Variants in SRPK3 observed in about 807,000 individuals in gnomAD.
SRPK3 encodes SFRS protein kinase 3.
A neutral mutation model predicts 45.3 loss-of-function variants in SRPK3; 26 were observed. The ratio of observed to expected loss-of-function variants is 0.57; its 90% CI spans 0.42 to 0.80. SRPK3 has a LOEUF of 0.80. SRPK3 is among the 30% of genes least tolerant of loss of function. The probability of loss-of-function intolerance (pLI) is 0.00; values close to 1 mark genes in which losing one functional copy is unlikely to be tolerated. For synonymous variants in SRPK3, 254 were observed against 226.6 expected, an observed-to-expected ratio of 1.12 and a Z score of -1.09; for missense variants, 536 against 514.5, an observed-to-expected ratio of 1.04 and a Z score of -0.40.
At position 153,785,400 on chromosome X, in the gene SRPK3, C is replaced by T. The variant is rs373971097; in HGVS notation, c.1584C>T (p.Tyr528=). 1.4e-5 allele frequency: 17 copies of T among 1,209,754 alleles called. No homozygotes were observed. Among genetic ancestry groups the T allele is most frequent in the Admixed American group, 4.3e-5 (2 of 46,025 alleles). The part of the protein sequence containing the change: ...WGLYEVLMEK[Y]EWPLEQATQF... ...TGTACGAGGTACTCATGGAAAAGTA[C>T]GAGTGGCCCCTAGAGCAGGCCACAC... is the stretch of plus-strand genomic sequence containing the variant. Residue 528 remains tyrosine (Y), a synonymous_variant, in exon 15 of 15, where the codon TAC becomes TAT. Transcript: ENST00000370101.
rs1557068041 is a variant in SRPK3 at position 153,784,114 on chromosome X, A to C, written c.1048A>C (p.Thr350Pro). 1 of 1,210,121 alleles carries C rather than the reference A, an allele frequency of 8.3e-7. No individual in the cohort carries two copies. The highest frequency in any genetic ancestry group is 1.8e-5 in the South Asian group (1 of 56,979). The change falls in exon 10 of 15, where the codon ACC (threonine) becomes CCC (proline). Residue 350 changes from threonine (T) to proline (P), a missense_variant. Coordinates refer to ENST00000370101, the MANE Select transcript of SRPK3 (RefSeq NM_014370.4). The stretch of plus-strand genomic sequence containing the variant: ...CCGTAGCCTCAGCGCGGGCTCACAG[A>C]CCTCAGGCTTCTCCGGCTCCCTCTT... ...GGRSLSAGSQ[T>P]SGFSGSLFSP...
chrX:153,782,355 G>T, intron 5 of SRPK3, 147 bp downstream of exon 5: 1 of 481,616 alleles, frequency 2.1e-6, no homozygotes, highest in South Asian at 3.1e-5. Context: ...CCCGCCCCCA[G>T]GTAACTGTGT....
intron 11 of SRPK3, 80 bp downstream of exon 11, chrX:153,784,474 C>T (rs891129475): frequency 7.6e-6 from 8 of 1,054,490 alleles, no homozygotes; most frequent in South Asian, 2.0e-5. Flanking sequence ...GGGAGCCCTA[C>T]CCCAGTCTGC....
chrX:153,782,674 C>A, intron 5 of SRPK3, 98 bp from the exon 6 acceptor site: 2 of 871,205 alleles, frequency 2.3e-6, no homozygotes, highest in East Asian at 3.4e-5. Context: ...TGCCTCCCCA[C>A]CTCCACACGG....
intron 14 of SRPK3, 80 bp downstream of exon 14, chrX:153,785,253 A>G: frequency 8.5e-7 from 1 of 1,180,910 alleles, no homozygotes; most frequent in Non-Finnish European, 1.1e-6. Flanking sequence ...CAGAGGGAAC[A>G]CTGGGTCCCA....
At chrX:153,783,347 A>G in intron 8 of SRPK3, 96 bp downstream of exon 8, 1 of 564,811 alleles carries the variant, frequency 1.8e-6, no homozygotes, top group East Asian at 3.8e-5. Flanking sequence ...CCCCACCTTC[A>G]CGCACTCCCA....
chrX:153,781,903 T>C, intron 4 of SRPK3, 73 bp downstream of exon 4: 1 of 1,129,502 alleles, frequency 8.9e-7, no homozygotes, highest in East Asian at 3.0e-5. Flanking sequence ...GTGCAAGGCC[T>C]GCCGGGGCTC....
intron 11 of SRPK3, 168 bp downstream of exon 11, chrX:153,784,562 G>A (rs186706627): frequency 1.2e-4 from 82 of 711,856 alleles, no homozygotes; most frequent in Non-Finnish European, 1.6e-4. Flanking sequence ...AAGGGCAGGG[G>A]CCACTAGGAA....
Position 153,784,088 on chromosome X carries a change from G to A in SRPK3, c.1022G>A (p.Gly341Asp), listed in dbSNP as rs868907980. The part of the protein sequence containing the change: ...PASSSPAPGG[G>D]RSLSAGSQTS... Reference sequence around the variant, plus strand: ...TCTTCCTCCCCCGCCCCAGGGGGCGGCCGTAGCCTCAGCGCGGGCTCACAG... The same window carrying A: ...TCTTCCTCCCCCGCCCCAGGGGGCGACCGTAGCCTCAGCGCGGGCTCACAG... The change falls in exon 10 of 15, where the codon GGC becomes GAC. Residue 341 changes from glycine (G) to aspartate (D), a missense_variant. By Grantham distance (94) the Gly-to-Asp change is moderately conservative. Transcript: ENST00000370101. The A allele has an allele frequency of 2.5e-6, 3 of 1,210,721 alleles. No homozygotes were observed. Among genetic ancestry groups the A allele is most frequent in the South Asian group, 3.5e-5 (2 of 57,012 alleles).
Position 153,783,192 on chromosome X carries a change from GTCC to G in SRPK3, c.749-33_749-31del, listed in dbSNP as rs782550385. On this transcript the variant is annotated intron_variant, in intron 7 of 14. Transcript: ENST00000370101. ...CCTGCCTGAGTCTCTGTTCCTCCCT[GTCC>G]CCCCCCACCGCTCCCCACCTGCACT... is the stretch of plus-strand genomic sequence containing the variant. 160 of 959,836 alleles carry G rather than the reference GTCC, an allele frequency of 1.7e-4. 1 individual carries two copies. The highest frequency in any genetic ancestry group is 2.2e-4 in the Non-Finnish European group (151 of 696,979). 79.1% of individuals were successfully genotyped at this position (959,836 alleles called of 1,213,427 possible).
Position 153,782,868 on chromosome X carries a change from T to C in SRPK3, c.572T>C (p.Ile191Thr). 1 of 1,209,387 alleles carries C rather than the reference T, an allele frequency of 8.3e-7. No homozygotes were observed. Among genetic ancestry groups the C allele is most frequent in the Non-Finnish European group, 1.1e-6 (1 of 894,255 alleles). Residue 191 changes from isoleucine (I) to threonine (T), a missense_variant, in exon 6 of 15, where the codon ATC (isoleucine) becomes ACC (threonine). Ile to Thr is a moderately conservative substitution (Grantham distance 89). Transcript: ENST00000370101. ...QGLPVPCVKS[I>T]VRQVLHGLDY... ...CTGCCCGTGCCCTGCGTGAAGAGCA[T>C]CGTGAGGCAGGTGAGTGCCACCCAC... is the stretch of plus-strand genomic sequence containing the variant.
At chrX:153,782,499 T>C (rs1210826669) in intron 5 of SRPK3, among the ~76,000 whole-genome samples, 1 of 113,756 alleles carries the variant, frequency 8.8e-6, no homozygotes, top group East Asian at 2.8e-4. Flanking sequence ...ATAACTAGCA[T>C]GGGAGTGGGC....
chrX:153,785,223 G>A (rs782295255), intron 14 of SRPK3, 50 bp downstream of exon 14: 6 of 1,178,643 alleles, frequency 5.1e-6, no homozygotes, highest in Admixed American at 4.6e-5. Flanking sequence ...AGGGTGGGAC[G>A]GGGACCTTGG....
rs782094097 is a variant in SRPK3 at position 153,783,575 on chromosome X, G to A, written c.775-177G>A. Among the ~76,000 whole-genome samples the A allele has an allele frequency of 1.6e-3, 179 of 112,585 alleles. 1 individual carries two copies. The highest frequency in any genetic ancestry group is 5.5e-3 in the African/African-American group (172 of 31,047). ...CTGTGGGGAGTGGGGCCACAGGCGGGGAGGCAGGGAGAGTAGTGAGTAGCT... is the reference window on the plus strand; with the variant it reads ...CTGTGGGGAGTGGGGCCACAGGCGGAGAGGCAGGGAGAGTAGTGAGTAGCT... On this transcript the variant is annotated intron_variant, in intron 8 of 14. Coordinates refer to ENST00000370101, the MANE Select transcript of SRPK3 (RefSeq NM_014370.4).
chrX:153,784,657 C>A, intron 11 of SRPK3, 93 bp from the exon 12 acceptor site: 1 of 1,062,000 alleles, frequency 9.4e-7, no homozygotes, highest in Non-Finnish European at 1.3e-6. Context: ...CCCCACTGAG[C>A]TCCTCGGGTA....
rs1265704518 is a variant in SRPK3, at chrX:153,781,246, G to A, written c.90G>A (p.Ser30=). The change falls in exon 2 of 15, where the codon TCG becomes TCA. Residue 30 remains serine, a synonymous_variant. Transcript: ENST00000370101. ...SSQASCGPES[S]GSELALATPV... is the part of the protein sequence containing the mutation. The stretch of plus-strand genomic sequence containing the variant: ...AGGCCTCCTGCGGGCCCGAGTCCTC[G>A]GGCTCCGAACTAGCCCTGGCCACAC... The A allele has an allele frequency of 4.1e-6, 5 of 1,208,871 alleles. No homozygotes were observed. In the South Asian group the frequency reaches 5.3e-5, roughly 13 times the overall value.
At position 153,785,020 on chromosome X, in the gene SRPK3, C is replaced by T; in HGVS notation, c.1426+17C>T. 1 of 1,211,132 alleles carries T rather than the reference C, an allele frequency of 8.3e-7. No homozygotes were observed. Among genetic ancestry groups the T allele is most frequent in the Non-Finnish European group, 1.1e-6 (1 of 895,134 alleles). The stretch of plus-strand genomic sequence containing the variant: ...GTGATGAGGGTAAGGGGTGAGGGCT[C>T]TGGGCTCAGCCTCCCGGCCTCCCGG... On this transcript the variant is annotated intron_variant, in intron 13 of 14. Transcript: ENST00000370101.
rs782128044 is a variant in SRPK3, at chrX:153,781,507, G to A, written c.193G>A (p.Gly65Ser). Reference protein sequence around the residue: ...QEDPKDYCKGGYHPVKIGDVF... With the variant: ...QEDPKDYCKGSYHPVKIGDVF... ...CAATCTACATCTCCCCTGGGCAGGC[G>A]GCTACCACCCTGTGAAGATCGGCGA... Residue 65 changes from glycine to serine, a missense_variant and splice_region_variant, in exon 3 of 15, where the codon GGC (glycine) becomes AGC (serine). Transcript: ENST00000370101. The A allele has an allele frequency of 1.7e-6, 2 of 1,208,367 alleles. No individual in the cohort carries two copies. Among genetic ancestry groups the A allele is most frequent in the Non-Finnish European group, 2.2e-6 (2 of 893,782 alleles).
At chrX:153,781,711 G>C in intron 3 of SRPK3, 32 bp from the exon 4 acceptor site, 1 of 1,208,841 alleles carries the variant, frequency 8.3e-7, no homozygotes. Context: ...GTCCTGCCAG[G>C]GCCACAGCCT....
Sources: allele counts gnomAD v4.1 joint callset (sites outside exome capture counted in the v4.1 genomes callset), GRCh38; gene constraint gnomAD v4.1.1; transcripts MANE v1.5; gene names NCBI Gene and HGNC (gene_info 2026-07-23, HGNC 2026-07-21).